The following SEMA4C variants were observed in gnomAD, a reference collection of about 807,000 sequenced individuals.
SEMA4C encodes semaphorin-4C.
Under a neutral mutation model 89.0 loss-of-function variants are expected in SEMA4C, and 19 were observed. The observed-to-expected ratio is 0.21, with a 90% CI of 0.15 to 0.31. The LOEUF (loss-of-function observed/expected upper bound fraction) is 0.31. Among genes scored for constraint, SEMA4C ranks in the 10% least tolerant of loss-of-function variants. The pLI is 1.00. For synonymous variants in SEMA4C, 428 were observed against 472.7 expected (o/e 0.91, Z 1.23); for missense variants, 811 against 1,107.0 (o/e 0.73, Z 3.79).
chr2:96,865,753 G>A lies in SEMA4C; in HGVS notation c.333C>T (p.Phe111=). Residue 111 remains phenylalanine (F), a synonymous_variant, in exon 5 of 15, where the codon TTC becomes TTT. Coordinates refer to ENST00000305476, the MANE Select transcript of SEMA4C (RefSeq NM_017789.5). The part of the protein sequence containing the change: ...QKGKNNQTEC[F]NFIRFLQPYN... ...AGGGCTGCAGGAAGCGGATGAAGTT[G>A]AAGCACTCGGTCTGGGGGCAGAAAG... The A allele has an allele frequency of 6.2e-7, 1 of 1,614,170 alleles. No individual in the cohort carries two copies. Among genetic ancestry groups the A allele is most frequent in the Non-Finnish European group, 8.5e-7 (1 of 1,180,012 alleles).
chr2:96,867,346 C>G (rs2080098705), intron 2 of SEMA4C, among the ~76,000 whole-genome samples: 3 of 152,164 alleles, frequency 2.0e-5, no homozygotes, highest in Admixed American at 2.0e-4. Context: ...CCGCTGTGCC[C>G]CGGCAACCAT....
At chr2:96,866,030 G>T in intron 3 of SEMA4C, 101 bp from the exon 4 acceptor site, 1 of 1,271,726 alleles carries the variant, frequency 7.9e-7, no homozygotes, top group Non-Finnish European at 1.1e-6. Flanking sequence ...CCAGTGCAGA[G>T]GCATGGTCCC....
intron 5 of SEMA4C, 39 bp downstream of exon 5, chr2:96,865,627 G>T (rs552493681): frequency 6.3e-7 from 1 of 1,599,082 alleles, no homozygotes. Context: ...TGAGGAGGGC[G>T]GGGGGCTGGG....
At chr2:96,867,990 G>A (rs1383198936) in intron 1 of SEMA4C, 67 bp from the exon 2 acceptor site, 1 of 1,576,220 alleles carries the variant, frequency 6.3e-7, no homozygotes, top group Non-Finnish European at 8.6e-7. Flanking sequence ...GCCCGCAGCA[G>A]GAGAGGCCAC....
At chr2:96,870,280 A>G, upstream of SEMA4C, 4 of 985,468 alleles carry the variant, frequency 4.1e-6, no homozygotes, top group Non-Finnish European at 4.8e-6. Flanking sequence ...GGTGTCCAGC[A>G]GCCCCGGGGC....
At position 96,864,166 on chromosome 2, in the gene SEMA4C, G is replaced by A. The variant is rs532627233; in HGVS notation, c.1108-18C>T. ...TTAATGCACTGGGGGCAGGGTGTGG[G>A]GGGCAGGCCATCAGCAGGGTGGGAT... On this transcript the variant is annotated intron_variant, in intron 10 of 14. Transcript: ENST00000305476. This position sits in a 1 kb window ranked among gnomAD's most constrained non-coding sequence, Gnocchi z 6.3. 5 of 1,612,804 alleles carry A rather than the reference G, an allele frequency of 3.1e-6. No individual in the cohort carries two copies. Among genetic ancestry groups the A allele is most frequent in the Admixed American group, 3.3e-5 (2 of 60,022 alleles).
rs1418197240 is a variant in SEMA4C, at chr2:96,861,003, G to C, written c.2125C>G (p.Leu709Val). 6.2e-7 allele frequency: 1 copy of C among 1,612,922 alleles called. No homozygotes were observed. The highest frequency in any genetic ancestry group is 8.5e-7 in the Non-Finnish European group (1 of 1,180,000). Reference sequence around the variant, plus strand: ...CTGGTGGGCTCCTTGGGCAGCTCCAGGGGGTACACCAAGGTCCTCTCAGTA... The same window carrying C: ...CTGGTGGGCTCCTTGGGCAGCTCCACGGGGTACACCAAGGTCCTCTCAGTA... The part of the protein sequence containing the change: ...KATERTLVYP[L>V]ELPKEPTSPP... The change falls in exon 15 of 15, where the codon CTG becomes GTG. Residue 709 changes from leucine to valine, a missense_variant. Transcript: ENST00000305476. The surrounding 1 kb of genome is among the most constrained non-coding windows in gnomAD (Gnocchi z 7.8).
Position 96,869,151 on chromosome 2 carries a change from C to T in SEMA4C, c.-38+725G>A, listed in dbSNP as rs557747920. 4.7e-5 allele frequency: 46 copies of T among 985,392 alleles called. No individual in the cohort carries two copies. In the East Asian group the frequency reaches 2.0e-3, roughly 44 times the overall value. 61.0% of individuals were successfully genotyped at this position (985,392 alleles called of 1,614,324 possible). On this transcript the variant is annotated intron_variant, in intron 1 of 14. Coordinates refer to ENST00000305476, the MANE Select transcript of SEMA4C (RefSeq NM_017789.5). ...GCGGGGGCTGCGCCCCAGACCAGCC[C>T]CCCAAAACGCCCGCGGCCTCATCTC...
In SEMA4C at chr2:96,860,798, T is replaced by G. The variant is rs2153361358; in HGVS notation, c.2330A>C (p.His777Pro). ...ATTTGAGTTCCGCCCACCCCCCAGG[T>G]GAAGCCGAGTTGGAGAAGGCAGAGG... is the stretch of plus-strand genomic sequence containing the variant. ...GQPLPSPTRL[H>P]LGGGRNSNAN... Residue 777 changes from histidine to proline, a missense_variant, in exon 15 of 15, where the codon CAC (histidine) becomes CCC (proline). His to Pro is a moderately conservative substitution (Grantham distance 77). Coordinates refer to ENST00000305476, the MANE Select transcript of SEMA4C (RefSeq NM_017789.5). The G allele has an allele frequency of 1.2e-6, 2 of 1,613,690 alleles. No homozygotes were observed. The highest frequency in any genetic ancestry group is 1.6e-4 in the Middle Eastern group (1 of 6,062).
Position 96,861,576 on chromosome 2 carries a change from C to T in SEMA4C, c.1672+3G>A. On this transcript the variant is annotated splice_donor_region_variant and intron_variant, in intron 14 of 14. Transcript: ENST00000305476. The surrounding 1 kb of genome is among the most constrained non-coding windows in gnomAD (Gnocchi z 7.8). ...CCGATGCGACGGGAATGAAAAAGCT[C>T]ACCTTTCTTACTGCCACGGAGGTTG... The T allele has an allele frequency of 1.3e-6, 2 of 1,593,586 alleles. No homozygotes were observed. The highest frequency in any genetic ancestry group is 1.7e-6 in the Non-Finnish European group (2 of 1,166,934).
chr2:96,865,873 G>A lies in SEMA4C; in HGVS notation c.315C>T (p.Asn105=). 6.2e-7 allele frequency: 1 copy of A among 1,614,126 alleles called. No individual in the cohort carries two copies. The highest frequency in any genetic ancestry group is 8.5e-7 in the Non-Finnish European group (1 of 1,180,010). The part of the protein sequence containing the change: ...KKTECIQKGK[N]NQTECFNFIR... The stretch of plus-strand genomic sequence containing the variant: ...GCAGCGTCCAAGCACCCACCTGGTT[G>A]TTCTTCCCTTTCTGGATACACTCAG... The change falls in exon 4 of 15, where the codon AAC becomes AAT. Residue 105 remains asparagine, a synonymous_variant. Coordinates refer to ENST00000305476, the MANE Select transcript of SEMA4C (RefSeq NM_017789.5).
chr2:96,870,784 A>C, upstream of SEMA4C: 2 of 984,020 alleles, frequency 2.0e-6, no homozygotes, highest in Non-Finnish European at 2.4e-6. Context: ...GGCTGTGGGG[A>C]GCCACGCTGC....
rs761810557 is a variant in SEMA4C at position 96,861,109 on chromosome 2, C to T, written c.2019G>A (p.Gly673=). ...GCAGCAGCAGCACCAGGCACACAGC[C>T]CCCAGGGCCACCACCGCCAGCCACA... The part of the protein sequence containing the change: ...GLVWLAVVAL[G]AVCLVLLLLV... Residue 673 remains glycine, a synonymous_variant, in exon 15 of 15, where the codon GGG becomes GGA. Coordinates refer to ENST00000305476, the MANE Select transcript of SEMA4C (RefSeq NM_017789.5). The surrounding 1 kb of genome is among the most constrained non-coding windows in gnomAD (Gnocchi z 7.8). 6.2e-7 allele frequency: 1 copy of T among 1,612,060 alleles called. No homozygotes were observed. The highest frequency in any genetic ancestry group is 1.1e-5 in the South Asian group (1 of 91,062).
In SEMA4C at chr2:96,860,938, A is replaced by G. The variant is rs926297480; in HGVS notation, c.2190T>C (p.Leu730=). 3.1e-6 allele frequency: 5 copies of G among 1,612,910 alleles called. No homozygotes were observed. The Admixed American group carries it at 5.0e-5, about 16-fold the overall frequency. Residue 730 remains leucine (L), a synonymous_variant, in exon 15 of 15, where the codon CTT becomes CTC. Coordinates refer to ENST00000305476, the MANE Select transcript of SEMA4C (RefSeq NM_017789.5). ...AATAGTAGTAACCGACAGGATCCCA[A>G]AGTTTCTCATCTGGTTCAGGACAGG... The part of the protein sequence containing the change: ...FRPCPEPDEK[L]WDPVGYYYSD...
At chr2:96,867,434 G>A (rs537246769) in intron 2 of SEMA4C, among the ~76,000 whole-genome samples, 1 of 152,120 alleles carries the variant, frequency 6.6e-6, no homozygotes, top group African/African-American at 2.4e-5. Flanking sequence ...GAGGTCTTAG[G>A]GGGGCCTGGG....
In SEMA4C at chr2:96,867,856, C is replaced by A. The variant is rs1383016653; in HGVS notation, c.31G>T (p.Ala11Ser). Residue 11 changes from alanine to serine, a missense_variant, in exon 2 of 15, where the codon GCA (alanine) becomes TCA (serine). Coordinates refer to ENST00000305476, the MANE Select transcript of SEMA4C (RefSeq NM_017789.5). ...ATGCCCAGGCCCCACAGCCTTGCTG[C>A]CAGCAGCCAGACAGCCCAGTGTGGG... Reference protein sequence around the residue: MAPHWAVWLLAARLWGLGIGA... With the variant: MAPHWAVWLLSARLWGLGIGA... The A allele has an allele frequency of 2.0e-5, 33 of 1,613,538 alleles. No homozygotes were observed. The highest frequency in any genetic ancestry group is 5.5e-5 in the South Asian group (5 of 91,090).
At position 96,860,288 on chromosome 2, in the gene SEMA4C, G is replaced by A. The variant is rs115947404; in HGVS notation, c.*338C>T. On this transcript the variant is annotated 3_prime_UTR_variant, in exon 15 of 15. Transcript: ENST00000305476. ...CTATGCCACAAGCGCGCACGCGCGT[G>A]CACACACACATACACACACACACAA... 6.9e-4 allele frequency: 208 copies of A among 299,838 alleles called. 3 individuals are homozygous for A. The highest frequency in any genetic ancestry group is 4.1e-3 in the African/African-American group (191 of 46,330). 18.6% of individuals were successfully genotyped at this position (299,838 alleles called of 1,614,324 possible). A position where few individuals can be genotyped will look rare whatever the true frequency, so the allele number is the denominator to read the frequency against.
In SEMA4C at chr2:96,865,777, A is replaced by C. The variant is rs1052160023; in HGVS notation, c.322-13T>G. The C allele has an allele frequency of 2.3e-5, 37 of 1,614,008 alleles. No individual in the cohort carries two copies. Among genetic ancestry groups the C allele is most frequent in the Non-Finnish European group, 3.1e-5 (36 of 1,179,904 alleles). The stretch of plus-strand genomic sequence containing the variant: ...TGAAGCACTCGGTCTGGGGGCAGAA[A>C]GGTGTCCGGTTAGTGAGAGCGCGAG... On this transcript the variant is annotated splice_polypyrimidine_tract_variant and intron_variant, in intron 4 of 14. Coordinates refer to ENST00000305476, the MANE Select transcript of SEMA4C (RefSeq NM_017789.5).
chr2:96,868,595 G>A (rs1416873169), intron 1 of SEMA4C: 4 of 985,552 alleles, frequency 4.1e-6, no homozygotes, highest in Non-Finnish European at 4.8e-6. Context: ...AGGGAGGCAG[G>A]AAGTGGGTGG....
Sources: gnomAD v4.1 joint callset for allele counts (sites outside exome capture counted in the v4.1 genomes callset) on GRCh38, gnomAD v4.1.1 for gene constraint, Gnocchi (gnomAD v3.1) non-coding constraint, MANE v1.5 for transcripts, NCBI Gene and HGNC (gene_info 2026-07-23, HGNC 2026-07-21) for gene names.